The following ZBTB43 variants were observed in gnomAD, a reference collection of about 807,000 sequenced individuals.
ZBTB43 encodes zinc finger and BTB domain containing 43, also known as zinc finger and BTB domain-containing protein 43.
A neutral mutation model predicts 31.1 loss-of-function variants in ZBTB43; 6 were observed. The observed-to-expected ratio is 0.19, with a 90% confidence interval of 0.11 to 0.38. The LOEUF is 0.38. Ranked by LOEUF, ZBTB43 falls within the 10% of genes least tolerant of loss-of-function variation. The pLI, the probability that ZBTB43 is intolerant of heterozygous loss-of-function variation, is 1.00. For synonymous variants in ZBTB43, 212 were observed against 221.7 expected (o/e 0.96, Z 0.39); for missense variants, 379 against 602.1 (o/e 0.63, Z 3.88).
chr9:126,813,408 A>C (rs1297407515), intron 2 of ZBTB43, among the ~76,000 whole-genome samples: 1 of 152,150 alleles, frequency 6.6e-6, no homozygotes, highest in East Asian at 1.9e-4. Flanking sequence ...ACAGCACGTC[A>C]CTTAGAAGTT....
intron 2 of ZBTB43, among the ~76,000 whole-genome samples, chr9:126,816,865 G>C (rs528693185): frequency 1.3e-5 from 2 of 152,222 alleles, no homozygotes; most frequent in South Asian, 4.1e-4. Context: ...GGGCTACGGA[G>C]TCCCACCCCC....
At chr9:126,827,141 T>A (rs2032658955) in intron 2 of ZBTB43, among the ~76,000 whole-genome samples, 1 of 152,210 alleles carries the variant, frequency 6.6e-6, no homozygotes, top group Admixed American at 6.5e-5. Context: ...TTGTTCCATG[T>A]AGTTGCTTAA....
intron 2 of ZBTB43, among the ~76,000 whole-genome samples, chr9:126,825,296 T>C (rs1195145549): frequency 6.7e-6 from 1 of 148,172 alleles, no homozygotes; most frequent in Admixed American, 6.6e-5. Context: ...ATTTACCTTA[T>C]CTTTGAGTTT....
intron 2 of ZBTB43, among the ~76,000 whole-genome samples, chr9:126,814,160 A>G (rs1161923220): frequency 2.0e-5 from 3 of 152,162 alleles, no homozygotes; most frequent in African/African-American, 7.2e-5. Flanking sequence ...CAGTTCTGTT[A>G]CTGTTGCCTT....
Position 126,817,577 on chromosome 9 carries a change from A to G in ZBTB43, c.-24+8662A>G, listed in dbSNP as rs544945683. 3.9e-3 allele frequency among the ~76,000 whole-genome samples: 589 copies of G among 149,254 alleles called. 5 individuals carry two copies. Among genetic ancestry groups the G allele is most frequent in the African/African-American group, 0.014 (556 of 40,530 alleles). On this transcript the variant is annotated intron_variant, in intron 2 of 2. Coordinates refer to ENST00000373464, the MANE Select transcript of ZBTB43 (RefSeq NM_014007.4). Reference sequence around the variant, plus strand: ...TGCAAGCTCCGCCTCCCAGGTTCACACCATTCTCCTGCCTCAGCCTCCCGA... The same window carrying G: ...TGCAAGCTCCGCCTCCCAGGTTCACGCCATTCTCCTGCCTCAGCCTCCCGA...
At chr9:126,819,279 ATTTTTTTTTTTT>A (rs71377975) in intron 2 of ZBTB43, among the ~76,000 whole-genome samples, 1,168 of 100,228 alleles carry the variant, frequency 0.012, 23 homozygotes, top group African/African-American at 0.041. Flanking sequence ...CGGATATTGC[ATTTTTTTTTTTT>A]TTTTTTTTTT....
At position 126,834,075 on chromosome 9, in the gene ZBTB43, A is replaced by T; in HGVS notation, c.*162A>T. 1.2e-6 allele frequency: 1 copy of T among 815,218 alleles called. No individual in the cohort carries two copies. The allele number at this position is 815,218 out of a possible 1,614,324, so 50.5% of individuals were successfully genotyped here. A position where few individuals can be genotyped will look rare whatever the true frequency, so the allele number is the denominator to read the frequency against. ...CAGCTCTAAGTAGGCCAATTAAAAA[A>T]ATCTAATTCCTCAAATTTGTGTGTT... On this transcript the variant is annotated 3_prime_UTR_variant, in exon 3 of 3. Coordinates refer to ENST00000373464, the MANE Select transcript of ZBTB43 (RefSeq NM_014007.4).
chr9:126,817,100 CTTTTTTTT>C (rs780632905), intron 2 of ZBTB43, among the ~76,000 whole-genome samples: 40 of 55,364 alleles, frequency 7.2e-4, no homozygotes, highest in African/African-American at 2.5e-3. Context: ...TCCACTGTAT[CTTTTTTTT>C]TTTTTTTTTT....
chr9:126,804,750 G>T (rs73601156), upstream of ZBTB43, among the ~76,000 whole-genome samples: 38 of 152,374 alleles, frequency 2.5e-4, no homozygotes, highest in African/African-American at 8.4e-4. Context: ...CTCCCAAAGT[G>T]CAGGGATTAC....
At position 126,836,706 on chromosome 9, in the gene ZBTB43, A is replaced by G. The variant is rs113290956; in HGVS notation, c.*2793A>G. The G allele has an allele frequency of 3.6e-5, 6 of 167,164 alleles. No homozygotes were observed. Among genetic ancestry groups the G allele is most frequent in the South Asian group, 2.1e-4 (1 of 4,824 alleles). The allele number at this position is 167,164 out of a possible 1,614,324, so 10.4% of individuals were successfully genotyped here. ...AAACAATCTTTCAGGGATCACGTCA[A>G]TGGCCTACAACCAAGCTATTTGTCC... is the stretch of plus-strand genomic sequence containing the variant. On this transcript the variant is annotated 3_prime_UTR_variant, in exon 3 of 3. Transcript: ENST00000373464.
In ZBTB43 at chr9:126,829,420, A is replaced by G. The variant is rs569798392; in HGVS notation, c.-23-3067A>G. On this transcript the variant is annotated intron_variant, in intron 2 of 2. Coordinates refer to ENST00000373464, the MANE Select transcript of ZBTB43 (RefSeq NM_014007.4). ...AAATTCTGTAAGAGGAGAACTGCTT[A>G]CATTACGATACATCCATATAATAGA... 2.6e-5 allele frequency among the ~76,000 whole-genome samples: 4 copies of G among 152,382 alleles called. No individual in the cohort carries two copies. In the South Asian group the frequency reaches 8.3e-4, roughly 32 times the overall value.
rs2032878577 is a variant in ZBTB43 at position 126,836,357 on chromosome 9, G to A, written c.*2444G>A. ...CTTATGTGTCCATCAGCTACTAAATGTAGAACTTAAATAAGTTGCTCACAT... is the reference window on the plus strand; with the variant it reads ...CTTATGTGTCCATCAGCTACTAAATATAGAACTTAAATAAGTTGCTCACAT... On this transcript the variant is annotated 3_prime_UTR_variant, in exon 3 of 3. Transcript: ENST00000373464. 1.2e-5 allele frequency: 2 copies of A among 166,040 alleles called. No homozygotes were observed. The highest frequency in any genetic ancestry group is 2.3e-4 in the East Asian group (1 of 4,360). The allele number at this position is 166,040 out of a possible 1,614,324, so 10.3% of individuals were successfully genotyped here. A position where few individuals can be genotyped will look rare whatever the true frequency, so the allele number is the denominator to read the frequency against.
chr9:126,810,264 C>T lies in ZBTB43; in HGVS notation c.-24+1349C>T, dbSNP rs894398572. Among the ~76,000 whole-genome samples the T allele has an allele frequency of 3.9e-5, 6 of 151,950 alleles. No homozygotes were observed. In the East Asian group the frequency reaches 5.8e-4, roughly 15 times the overall value. On this transcript the variant is annotated intron_variant, in intron 2 of 2. Coordinates refer to ENST00000373464, the MANE Select transcript of ZBTB43 (RefSeq NM_014007.4). ...GGCTGGAGTGCAGTGGCAGAATCTCCGCTCACTGCAACCTCTGCCTCCCAG... is the reference window on the plus strand; with the variant it reads ...GGCTGGAGTGCAGTGGCAGAATCTCTGCTCACTGCAACCTCTGCCTCCCAG...
At chr9:126,821,378 A>G (rs1046533648) in intron 2 of ZBTB43, among the ~76,000 whole-genome samples, 2 of 151,892 alleles carry the variant, frequency 1.3e-5, no homozygotes, top group African/African-American at 2.4e-5. Context: ...TCTGTCTTTA[A>G]AAAAAAAGAA....
Position 126,833,692 on chromosome 9 carries a change from C to T in ZBTB43, c.1183C>T (p.Leu395Phe). The T allele has an allele frequency of 6.2e-7, 1 of 1,607,566 alleles. No individual in the cohort carries two copies. The highest frequency in any genetic ancestry group is 8.5e-7 in the Non-Finnish European group (1 of 1,174,438). ...GAGAGATCGGCACATGAGCATGCAC[C>T]TCGGTCTTCGGCCTTACGGCTGTGG... Reference protein sequence around the residue: ...SQRDRHMSMHLGLRPYGCGVC... With the variant: ...SQRDRHMSMHFGLRPYGCGVC... Residue 395 changes from leucine (L) to phenylalanine (F), a missense_variant, in exon 3 of 3, where the codon CTC (leucine) becomes TTC (phenylalanine). Leu to Phe is a conservative substitution (Grantham distance 22, BLOSUM62 0). Coordinates refer to ENST00000373464, the MANE Select transcript of ZBTB43 (RefSeq NM_014007.4). The surrounding 1 kb of genome is among the most constrained non-coding windows in gnomAD (Gnocchi z 7.9).
chr9:126,829,705 T>A (rs997942458), intron 2 of ZBTB43, among the ~76,000 whole-genome samples: 1 of 146,820 alleles, frequency 6.8e-6, no homozygotes, highest in Non-Finnish European at 1.5e-5. Context: ...TTTTTTTTTT[T>A]ACACCTTTCT....
In ZBTB43 at chr9:126,833,856, T is replaced by C. The variant is rs1218680389; in HGVS notation, c.1347T>C (p.Ser449=). The part of the protein sequence containing the change: ...WRDSFHRHVT[S]CTKSYEAAKA... ...ACAGTTTCCACCGGCATGTGACTTC[T>C]TGTACTAAGTCCTACGAAGCTGCAA... Residue 449 remains serine (S), a synonymous_variant, in exon 3 of 3, where the codon TCT becomes TCC. Transcript: ENST00000373464. This position sits in a 1 kb window ranked among gnomAD's most constrained non-coding sequence, Gnocchi z 7.9. The C allele has an allele frequency of 6.2e-7, 1 of 1,600,314 alleles. No individual in the cohort carries two copies.
Position 126,810,668 on chromosome 9 carries a change from T to A in ZBTB43, c.-24+1753T>A, listed in dbSNP as rs941132440. 6.7e-4 allele frequency among the ~76,000 whole-genome samples: 101 copies of A among 150,402 alleles called. 1 individual carries two copies. Among genetic ancestry groups the A allele is most frequent in the Middle Eastern group, 6.8e-3 (2 of 294 alleles). ...GGCATGGGCCACCATGCACAGCTAATTTTTTTTTGTACTTTTAGTAGAGAA... is the reference window on the plus strand; with the variant it reads ...GGCATGGGCCACCATGCACAGCTAAATTTTTTTTGTACTTTTAGTAGAGAA... On this transcript the variant is annotated intron_variant, in intron 2 of 2. Transcript: ENST00000373464.
rs1410310822 is a variant in ZBTB43, at chr9:126,837,298, C to T, written c.*3385C>T. 2 of 167,124 alleles carry T rather than the reference C, an allele frequency of 1.2e-5. No individual in the cohort carries two copies. Among genetic ancestry groups the T allele is most frequent in the Non-Finnish European group, 2.9e-5 (2 of 68,152 alleles). 10.4% of individuals were successfully genotyped at this position (167,124 alleles called of 1,614,324 possible). On this transcript the variant is annotated 3_prime_UTR_variant, in exon 3 of 3. Coordinates refer to ENST00000373464, the MANE Select transcript of ZBTB43 (RefSeq NM_014007.4). ...ATTCCGATTTCTAGGTCTCATCTTC[C>T]TCTGGTCCCTTTTGGCCACTACTTT...
Sources: gnomAD v4.1 joint callset for allele counts (sites outside exome capture counted in the v4.1 genomes callset) on GRCh38, gnomAD v4.1.1 for gene constraint, Gnocchi (gnomAD v3.1) non-coding constraint, MANE v1.5 for transcripts, NCBI Gene and HGNC (gene_info 2026-07-23, HGNC 2026-07-21) for gene names.